Variants in RBFOX1 observed in about 807,000 individuals in gnomAD.
RBFOX1 encodes RNA binding protein fox-1 homolog 1.
RBFOX1 carries 8 observed loss-of-function variants against 57.7 expected under a neutral mutation model. The ratio of observed to expected loss-of-function variants is 0.14; its 90% CI spans 0.08 to 0.25. RBFOX1 has a LOEUF of 0.25. Among genes scored for constraint, RBFOX1 ranks in the 10% least tolerant of loss-of-function variants. The pLI is 1.00. For synonymous variants in RBFOX1, 326 were observed against 222.4 expected, an observed-to-expected ratio of 1.47 and a Z score of -4.15; for missense variants, 611 against 548.5, an observed-to-expected ratio of 1.11 and a Z score of -1.14.
intron 3 of RBFOX1, among the ~76,000 whole-genome samples, chr16:6,664,303 C>T (rs2098718943): frequency 6.6e-6 from 1 of 152,200 alleles, no homozygotes; most frequent in South Asian, 2.1e-4. Flanking sequence ...TAGTAACCCT[C>T]ATTCCTCTTG....
Position 6,672,295 on chromosome 16 carries a change from C to T in RBFOX1, c.-16+17645C>T, listed in dbSNP as rs138976021. Among the ~76,000 whole-genome samples, 1,388 of 151,170 alleles carry T rather than the reference C, an allele frequency of 9.2e-3. 15 individuals are homozygous for T. The highest frequency in any genetic ancestry group is 0.032 in the African/African-American group (1,322 of 41,084). ...ATATACATCCAATATAAATATACAT[C>T]CAATATAAAATAACCATACAAATAT... On this transcript the variant is annotated intron_variant, in intron 3 of 15. Coordinates refer to ENST00000550418, the MANE Select transcript of RBFOX1 (RefSeq NM_018723.4).
intron 2 of RBFOX1, among the ~76,000 whole-genome samples, chr16:6,608,858 G>A (rs536098283): frequency 2.2e-4 from 34 of 152,344 alleles, no homozygotes; most frequent in Non-Finnish European, 4.3e-4. Context: ...AAATCATGGT[G>A]CCAGCAGGGC....
intron 3 of RBFOX1, among the ~76,000 whole-genome samples, chr16:6,911,458 G>A (rs2071572196): frequency 6.6e-6 from 1 of 152,104 alleles, no homozygotes; most frequent in Admixed American, 6.5e-5. Flanking sequence ...TTTTAACTCT[G>A]TCAGTGTGAT....
intron 2 of RBFOX1, among the ~76,000 whole-genome samples, chr16:6,469,979 T>C (rs1038333490): frequency 6.6e-6 from 1 of 152,224 alleles, no homozygotes; most frequent in Non-Finnish European, 1.5e-5. Context: ...AACTGAGCTC[T>C]CATTCTAGAC....
intron 3 of RBFOX1, among the ~76,000 whole-genome samples, chr16:6,722,578 C>G (rs375465301): frequency 6.6e-6 from 1 of 152,146 alleles, no homozygotes; most frequent in Non-Finnish European, 1.5e-5. Flanking sequence ...TAATGAGAAC[C>G]TACAGACTTC....
At chr16:6,559,596 G>T (rs1599830920) in intron 2 of RBFOX1, among the ~76,000 whole-genome samples, 1 of 148,692 alleles carries the variant, frequency 6.7e-6, no homozygotes, top group South Asian at 2.2e-4. Flanking sequence ...GGACGTGTGG[G>T]TGTATGTGTA....
At chr16:5,425,208 T>A (rs2067520429) in intron 1 of RBFOX1, among the ~76,000 whole-genome samples, 1 of 151,584 alleles carries the variant, frequency 6.6e-6, no homozygotes. Context: ...TTGGTTCAAG[T>A]GATTCCCCTG....
intron 3 of RBFOX1, among the ~76,000 whole-genome samples, chr16:6,989,642 A>G (rs1473734398): frequency 6.6e-6 from 1 of 152,214 alleles, no homozygotes; most frequent in South Asian, 2.1e-4. Context: ...TGTCTGGAGA[A>G]TAAAGAAACA....
At chr16:6,306,479 A>G (rs986725958) in intron 1 of RBFOX1, among the ~76,000 whole-genome samples, 3 of 152,214 alleles carry the variant, frequency 2.0e-5, no homozygotes, top group Non-Finnish European at 4.4e-5. Flanking sequence ...ATTTTTATGT[A>G]AGAAGTCTAC....
intron 4 of RBFOX1, among the ~76,000 whole-genome samples, chr16:5,890,025 A>G (rs369189405): frequency 1.3e-5 from 2 of 152,144 alleles, no homozygotes; most frequent in East Asian, 3.9e-4. Flanking sequence ...AGTGGACATG[A>G]CACACGGGGT....
At chr16:6,940,491 T>C (rs1446091873) in intron 3 of RBFOX1, among the ~76,000 whole-genome samples, 3 of 152,206 alleles carry the variant, frequency 2.0e-5, no homozygotes, top group African/African-American at 4.8e-5. Flanking sequence ...TAGGTAAATA[T>C]TGATGAAGGG....
intron 4 of RBFOX1, among the ~76,000 whole-genome samples, chr16:5,873,162 A>T (rs2057517893): frequency 1.4e-5 from 2 of 144,708 alleles, no homozygotes; most frequent in Non-Finnish European, 3.0e-5. Context: ...AAACAAAGAA[A>T]CAAACAACAA....
chr16:6,434,712 C>A (rs1364562314), intron 2 of RBFOX1, among the ~76,000 whole-genome samples: 2 of 152,272 alleles, frequency 1.3e-5, no homozygotes, highest in East Asian at 3.9e-4. Context: ...ATAAAAATGT[C>A]CAACTAGACA....
At chr16:6,516,702 G>T (rs757391232) in intron 2 of RBFOX1, among the ~76,000 whole-genome samples, 1 of 152,184 alleles carries the variant, frequency 6.6e-6, no homozygotes, top group Admixed American at 6.5e-5. Context: ...CGTGGTGCTA[G>T]TTGCAAGTAA....
intron 2 of RBFOX1, among the ~76,000 whole-genome samples, chr16:6,455,932 T>G (rs1028870639): frequency 3.3e-5 from 5 of 152,162 alleles, no homozygotes; most frequent in African/African-American, 1.2e-4. Context: ...ATCTTAAGAT[T>G]TCATTTTTTC....
At chr16:7,530,038 C>T (rs961624425) in intron 5 of RBFOX1, among the ~76,000 whole-genome samples, 1 of 147,448 alleles carries the variant, frequency 6.8e-6, no homozygotes, top group Non-Finnish European at 1.5e-5. Flanking sequence ...AATTTAGGAA[C>T]CTGAACCCTT....
chr16:5,893,392 A>G (rs2058089542), intron 4 of RBFOX1, among the ~76,000 whole-genome samples: 1 of 152,254 alleles, frequency 6.6e-6, no homozygotes, highest in Admixed American at 6.5e-5. Flanking sequence ...ATATAGTTGT[A>G]CGTTTCAAAA....
At chr16:5,831,219 G>T (rs1212992802) in intron 3 of RBFOX1, among the ~76,000 whole-genome samples, 1 of 152,030 alleles carries the variant, frequency 6.6e-6, no homozygotes, top group African/African-American at 2.4e-5. Context: ...GGATCATGGG[G>T]GTGGATCCCT....
intron 3 of RBFOX1, among the ~76,000 whole-genome samples, chr16:6,918,475 A>T (rs939074817): frequency 2.0e-5 from 3 of 152,130 alleles, no homozygotes; most frequent in Admixed American, 6.6e-5. Flanking sequence ...AAATCCAATC[A>T]AATTAATTGT....
Sources: gnomAD v4.1 joint callset for allele counts (sites outside exome capture counted in the v4.1 genomes callset) on GRCh38, gnomAD v4.1.1 for gene constraint, MANE v1.5 for transcripts, NCBI Gene and HGNC (gene_info 2026-07-23, HGNC 2026-07-21) for gene names.